Variants in GGA3 observed in about 807,000 individuals in gnomAD.
The protein encoded by GGA3 is golgi associated, gamma adaptin ear containing, ARF binding protein 3, also known as ADP-ribosylation factor-binding protein GGA3.
A neutral mutation model predicts 77.5 loss-of-function variants in GGA3; 57 were observed. The observed-to-expected ratio is 0.74, with a 90% CI of 0.59 to 0.92. GGA3 has a LOEUF of 0.92. Among genes scored for constraint, GGA3 ranks in the 40% least tolerant of loss-of-function variants. GGA3 has a pLI of 0.00. For synonymous variants in GGA3, 416 were observed against 383.7 expected (o/e 1.08, Z -0.98); for missense variants, 970 against 914.9 (o/e 1.06, Z -0.78).
chr17:75,241,042 C>T lies in GGA3; in HGVS notation c.962G>A (p.Ser321Asn), dbSNP rs772072014. Residue 321 changes from serine to asparagine, a missense_variant, in exon 11 of 17, where the codon AGT becomes AAT. Coordinates refer to ENST00000537686, the MANE Select transcript of GGA3 (RefSeq NM_138619.4). The part of the protein sequence containing the change: ...LPDSEGNSQC[S>N]NQGTLIDLAE... ...AAGGTCGATGAGCGTGCCTTGGTTA[C>T]TGCACTGACTGTTTCCTGGATGGGT... is the stretch of plus-strand genomic sequence containing the variant. The T allele has an allele frequency of 3.7e-6, 6 of 1,613,978 alleles. No homozygotes were observed. The Admixed American group carries it at 1.0e-4, about 27-fold the overall frequency.
In GGA3 at chr17:75,239,941, G is replaced by T; in HGVS notation, c.1431C>A (p.Pro477=). Residue 477 remains proline (P), a synonymous_variant, in exon 13 of 17, where the codon CCC becomes CCA. Coordinates refer to ENST00000537686, the MANE Select transcript of GGA3 (RefSeq NM_138619.4). ...APVVPASVPA[P]SAGSSLFSTG... ...TAGAAAACAAGGAGGAGCCCGCACT[G>T]GGGGCAGGAACACTGGCTGGGACCA... 6.3e-7 allele frequency: 1 copy of T among 1,590,540 alleles called. No individual in the cohort carries two copies.
intron 6 of GGA3, 69 bp downstream of exon 6, chr17:75,242,994 T>G (rs1598402585): frequency 6.7e-7 from 1 of 1,493,644 alleles, no homozygotes; most frequent in Admixed American, 1.7e-5. Context: ...CGCAGCACAG[T>G]GCAAACCACA....
rs201806474 is a variant in GGA3, at chr17:75,246,556, G to A, written c.154C>T (p.His52Tyr). 3.5e-5 allele frequency: 56 copies of A among 1,613,804 alleles called. No individual in the cohort carries two copies. The South Asian group carries it at 4.5e-4, about 13-fold the overall frequency. The part of the protein sequence containing the change: ...GPQIAVRLLA[H>Y]KIQSPQEWEA... The stretch of plus-strand genomic sequence containing the variant: ...CATTCCTGTGGGGACTGGATCTTGT[G>A]GGCCAGCAGTCGGACGGCGATCTGT... The change falls in exon 3 of 17, where the codon CAC (histidine) becomes TAC (tyrosine). Residue 52 changes from histidine to tyrosine, a missense_variant. Transcript: ENST00000537686.
intron 1 of GGA3, among the ~76,000 whole-genome samples, chr17:75,250,583 T>TGAAATCCTGTCTCTACTAAAAATACTAAA (rs1486865838): frequency 1.8e-4 from 27 of 150,462 alleles, no homozygotes; most frequent in Non-Finnish European, 3.8e-4. Flanking sequence ...TTCAACATGG[T>TGAAATCCTGTCTCTACTAAAAATACTAAA]GAAATCCTGT....
chr17:75,243,108 T>C lies in GGA3; in HGVS notation c.483A>G (p.Pro161=). Residue 161 remains proline (P), a synonymous_variant, in exon 6 of 17, where the codon CCA becomes CCG. Coordinates refer to ENST00000537686, the MANE Select transcript of GGA3 (RefSeq NM_138619.4). ...CAAAAACAGGGTTTTTGGGACGAGG[T>C]GGTGGAGAGGGGATCAGCGTCCTAT... ...PVDRTLIPSP[P]PRPKNPVFDD... 1 of 1,613,584 alleles carries C rather than the reference T, an allele frequency of 6.2e-7. No individual in the cohort carries two copies. The highest frequency in any genetic ancestry group is 8.5e-7 in the Non-Finnish European group (1 of 1,179,758).
chr17:75,241,347 G>C (rs2076548377), intron 10 of GGA3, 53 bp downstream of exon 10: 1 of 1,152,756 alleles, frequency 8.7e-7, no homozygotes, highest in Non-Finnish European at 1.3e-6. Context: ...CTTCATGATA[G>C]GGGCCTGAGG....
At chr17:75,242,574 G>A (rs964166252) in intron 7 of GGA3, 101 bp from the exon 8 acceptor site, 53 of 1,412,682 alleles carry the variant, frequency 3.8e-5, no homozygotes, top group African/African-American at 1.1e-4. Flanking sequence ...ACAGACGCTC[G>A]GAAGCTCCTT....
chr17:75,258,105 C>T (rs933363024), intron 1 of GGA3, among the ~76,000 whole-genome samples: 1 of 152,142 alleles, frequency 6.6e-6, no homozygotes, highest in Non-Finnish European at 1.5e-5. Flanking sequence ...CATCCCTGCC[C>T]GCAAAACATT....
At chr17:75,261,958 C>A, upstream of GGA3, 8 of 1,607,280 alleles carry the variant, frequency 5.0e-6, no homozygotes, top group Non-Finnish European at 6.8e-6. Context: ...GTTGGGCGTG[C>A]GGCGGGCTGT....
rs550365958 is a variant in GGA3 at position 75,253,741 on chromosome 17, G to C, written c.41-6945C>G. On this transcript the variant is annotated intron_variant, in intron 1 of 16. Coordinates refer to ENST00000537686, the MANE Select transcript of GGA3 (RefSeq NM_138619.4). ...TGACCCCTTTCCTGCTTTTCTGGAG[G>C]GTAAGAACCCTCGAACCCCTTCCCT... Among the ~76,000 whole-genome samples, 3 of 152,122 alleles carry C rather than the reference G, an allele frequency of 2.0e-5. 1 individual carries two copies. Among genetic ancestry groups the C allele is most frequent in the African/African-American group, 2.4e-5 (1 of 41,498 alleles).
rs2076561383 is a variant in GGA3 at position 75,241,610 on chromosome 17, C to T, written c.829+5G>A. 10 of 1,613,870 alleles carry T rather than the reference C, an allele frequency of 6.2e-6. No homozygotes were observed. Among genetic ancestry groups the T allele is most frequent in the Non-Finnish European group, 8.5e-6 (10 of 1,179,718 alleles). On this transcript the variant is annotated splice_donor_5th_base_variant and intron_variant, in intron 9 of 16. Coordinates refer to ENST00000537686, the MANE Select transcript of GGA3 (RefSeq NM_138619.4). The stretch of plus-strand genomic sequence containing the variant: ...CTTATCCCTGACCGTCGCTCTTTCA[C>T]TCACCCAAACTGTTATCATTGTCCT...
At chr17:75,257,286 C>CT (rs1491394168) in intron 1 of GGA3, among the ~76,000 whole-genome samples, 3 of 66,264 alleles carry the variant, frequency 4.5e-5, no homozygotes, top group Non-Finnish European at 9.7e-5. Context: ...GTGCCCCCCC[C>CT]CCCAAAAAAA....
Position 75,239,779 on chromosome 17 carries a change from C to G in GGA3, c.1583+10G>C, listed in dbSNP as rs1489203628. 1.2e-6 allele frequency: 2 copies of G among 1,613,096 alleles called. No homozygotes were observed. Among genetic ancestry groups the G allele is most frequent in the African/African-American group, 2.7e-5 (2 of 74,928 alleles). On this transcript the variant is annotated intron_variant, in intron 13 of 16. Transcript: ENST00000537686. ...CCCTCAGCAACCCCACATCTCCTCC[C>G]ACTCATTACACTTTGGCCTCTTCTA...
In GGA3 at chr17:75,239,814, C is replaced by G. The variant is rs539752229; in HGVS notation, c.1558G>C (p.Asp520His). The G allele has an allele frequency of 6.2e-6, 10 of 1,613,816 alleles. No homozygotes were observed. The highest frequency in any genetic ancestry group is 7.6e-6 in the Non-Finnish European group (9 of 1,180,034). Residue 520 changes from aspartate to histidine, a missense_variant, in exon 13 of 17, where the codon GAT becomes CAT. Asp to His is a moderately conservative substitution (Grantham distance 81). Coordinates refer to ENST00000537686, the MANE Select transcript of GGA3 (RefSeq NM_138619.4). ...NSALHHLDAL[D>H]QLLEEAKVTS... ...ACTTTGGCCTCTTCTAGAAGCTGAT[C>G]GAGGGCATCCAGGTGGTGCAGCGCG...
Position 75,239,869 on chromosome 17 carries a change from A to G in GGA3, c.1503T>C (p.Pro501=). ...TGCCCAACGCCAAGCCATGGTGCCC[A>G]GGGACTGCGGGCTCAACTTTTGGGG... ...ALAPKVEPAV[P]GHHGLALGNS... Residue 501 remains proline (P), a synonymous_variant, in exon 13 of 17, where the codon CCT becomes CCC. Transcript: ENST00000537686. The G allele has an allele frequency of 6.2e-7, 1 of 1,614,026 alleles. No individual in the cohort carries two copies. The highest frequency in any genetic ancestry group is 1.1e-5 in the South Asian group (1 of 91,088).
At position 75,240,075 on chromosome 17, in the gene GGA3, T is replaced by C. The variant is rs1598390635; in HGVS notation, c.1297A>G (p.Arg433Gly). ...EQSDLDFFSPRPGTAACGASD... is the reference protein window; with the variant it reads ...EQSDLDFFSPGPGTAACGASD... ...GCGCCACAGGCAGCGGTCCCCGGCC[T>C]GGGGCTGAAGAAGTCCAGGTCGGAC... The change falls in exon 13 of 17, where the codon AGG becomes GGG. Residue 433 changes from arginine (R) to glycine (G), a missense_variant. By Grantham distance (125) the Arg-to-Gly change is moderately radical. Transcript: ENST00000537686. The C allele has an allele frequency of 7.6e-7, 1 of 1,308,516 alleles. No individual in the cohort carries two copies. The highest frequency in any genetic ancestry group is 1.0e-6 in the Non-Finnish European group (1 of 999,738). The allele number at this position is 1,308,516 out of a possible 1,614,324, so 81.1% of individuals were successfully genotyped here.
chr17:75,254,828 G>T (rs1281575831), intron 1 of GGA3, among the ~76,000 whole-genome samples: 3 of 152,016 alleles, frequency 2.0e-5, no homozygotes, highest in African/African-American at 2.4e-5. Flanking sequence ...CTCCATAACT[G>T]CCTCCCCCAG....
Position 75,237,404 on chromosome 17 carries a change from G to T in GGA3, c.*875C>A. On this transcript the variant is annotated 3_prime_UTR_variant, in exon 17 of 17. Coordinates refer to ENST00000537686, the MANE Select transcript of GGA3 (RefSeq NM_138619.4). ...GAGGAGAGGGAGGCCAAAGCAGTAG[G>T]ATGTAGAGTGGCGGTAGATTCCAAG... is the stretch of plus-strand genomic sequence containing the variant. 7.8e-7 allele frequency: 1 copy of T among 1,288,866 alleles called. No homozygotes were observed. The highest frequency in any genetic ancestry group is 1.1e-6 in the Non-Finnish European group (1 of 920,968). 79.8% of individuals were successfully genotyped at this position (1,288,866 alleles called of 1,614,324 possible).
At chr17:75,243,216 A>C in intron 5 of GGA3, 50 bp from the exon 6 acceptor site, 1 of 1,374,770 alleles carries the variant, frequency 7.3e-7, no homozygotes, top group Non-Finnish European at 1.0e-6. Context: ...TTGCCTTGTC[A>C]CCCCTCCTCA....
Sources: allele counts gnomAD v4.1 joint callset (sites outside exome capture counted in the v4.1 genomes callset), GRCh38; gene constraint gnomAD v4.1.1; transcripts MANE v1.5; gene names NCBI Gene and HGNC (gene_info 2026-07-23, HGNC 2026-07-21).